Variants in MAPKAP1 observed in about 807,000 individuals in gnomAD.
The protein encoded by MAPKAP1 is target of rapamycin complex 2 subunit MAPKAP1.
In MAPKAP1, 20 loss-of-function variants were observed where a neutral mutation model predicts 65.7. That is an observed-to-expected ratio of 0.30 (90% CI 0.21 to 0.44). The LOEUF is 0.44. Among genes scored for constraint, MAPKAP1 ranks in the 20% least tolerant of loss-of-function variants. The pLI is 1.00. For synonymous variants in MAPKAP1, 222 were observed against 244.3 expected (o/e 0.91, Z 0.85); for missense variants, 423 against 648.0 (o/e 0.65, Z 3.77).
intron 8 of MAPKAP1, among the ~76,000 whole-genome samples, chr9:125,490,775 T>C (rs1854679298): frequency 6.6e-6 from 1 of 152,194 alleles, no homozygotes; most frequent in African/African-American, 2.4e-5. Context: ...AAAATCCAGG[T>C]GTCTTCTATA....
intron 1 of MAPKAP1, among the ~76,000 whole-genome samples, chr9:125,698,334 T>TATATATATAA (rs1564622652): frequency 4.5e-5 from 5 of 112,234 alleles, no homozygotes; most frequent in Non-Finnish European, 7.2e-5. Context: ...TATATATATA[T>TATATATATAA]ATAAAATATA....
intron 4 of MAPKAP1, among the ~76,000 whole-genome samples, chr9:125,594,983 C>G (rs1832083817): frequency 6.6e-6 from 1 of 152,214 alleles, no homozygotes; most frequent in Non-Finnish European, 1.5e-5. Context: ...GACATAGTTA[C>G]TTACACATAC....
chr9:125,637,850 G>A (rs1271724332), intron 4 of MAPKAP1, among the ~76,000 whole-genome samples: 1 of 152,200 alleles, frequency 6.6e-6, no homozygotes, highest in Admixed American at 6.5e-5. Context: ...TCAGTTCACT[G>A]CAGCCTATGC....
intron 4 of MAPKAP1, among the ~76,000 whole-genome samples, chr9:125,608,896 TCTC>T (rs1832516693): frequency 6.6e-6 from 1 of 152,144 alleles, no homozygotes; most frequent in Non-Finnish European, 1.5e-5. Context: ...AAGACATACT[TCTC>T]CTGTCTTTGG....
At position 125,506,351 on chromosome 9, in the gene MAPKAP1, T is replaced by G. The variant is rs769555939; in HGVS notation, c.1025A>C (p.Glu342Ala). The G allele has an allele frequency of 1.1e-5, 18 of 1,614,080 alleles. No individual in the cohort carries two copies. The highest frequency in any genetic ancestry group is 1.4e-5 in the Non-Finnish European group (17 of 1,180,024). The change falls in exon 8 of 12, where the codon GAG becomes GCG. Residue 342 changes from glutamate to alanine, a missense_variant. Glu to Ala is a moderately radical substitution (Grantham distance 107). This residue lies in a region of MAPKAP1 where 185 missense variants were observed against 268.1 expected (regional missense o/e 0.69). Coordinates refer to ENST00000265960, the MANE Select transcript of MAPKAP1 (RefSeq NM_001006617.3). ...NVAVDLDSTL[E>A]SQSAWEFCLV... ...GCAGAACTCCCATGCGCTCTGGCTC[T>G]CCAAAGTGCTGTCCAGGTCAACGGC...
chr9:125,559,333 G>C (rs1240537187), intron 6 of MAPKAP1: 4 of 219,208 alleles, frequency 1.8e-5, no homozygotes, highest in African/African-American at 6.8e-5. Context: ...TGCAAACCTA[G>C]AAGTTTTGCT....
intron 7 of MAPKAP1, among the ~76,000 whole-genome samples, chr9:125,519,784 C>T (rs990617761): frequency 6.6e-6 from 1 of 151,940 alleles, no homozygotes; most frequent in African/African-American, 2.4e-5. Flanking sequence ...TATGCCCGCC[C>T]CAGCCTCCTC....
rs542593727 is a variant in MAPKAP1, at chr9:125,632,313, A to G, written c.498+25338T>C. Among the ~76,000 whole-genome samples the G allele has an allele frequency of 6.6e-5, 10 of 152,246 alleles. No homozygotes were observed. In the East Asian group the frequency reaches 1.9e-3, roughly 29 times the overall value. On this transcript the variant is annotated intron_variant, in intron 4 of 11. Coordinates refer to ENST00000265960, the MANE Select transcript of MAPKAP1 (RefSeq NM_001006617.3). ...TATTATAATTGTCTGACTTCCCTACAAGATTACACATACCATTAAATTAGG... is the reference window on the plus strand; with the variant it reads ...TATTATAATTGTCTGACTTCCCTACGAGATTACACATACCATTAAATTAGG...
intron 4 of MAPKAP1, among the ~76,000 whole-genome samples, chr9:125,589,264 C>T (rs1391203633): frequency 3.3e-5 from 5 of 152,192 alleles, no homozygotes; most frequent in African/African-American, 1.2e-4. Context: ...TCATCTCCTT[C>T]AGAGCGCTTA....
chr9:125,590,710 C>A (rs1199180379), intron 4 of MAPKAP1, among the ~76,000 whole-genome samples: 1 of 152,008 alleles, frequency 6.6e-6, no homozygotes, highest in East Asian at 1.9e-4. Context: ...GTTAAGTAAA[C>A]TCTGCTAAAT....
intron 6 of MAPKAP1, among the ~76,000 whole-genome samples, chr9:125,544,690 G>A (rs1231166171): frequency 6.6e-6 from 1 of 152,238 alleles, no homozygotes; most frequent in Admixed American, 6.5e-5. Context: ...TTGCCACAAG[G>A]AGTTTGGTCG....
intron 8 of MAPKAP1, among the ~76,000 whole-genome samples, chr9:125,489,810 G>A (rs1854634041): frequency 6.6e-6 from 1 of 152,096 alleles, no homozygotes; most frequent in Non-Finnish European, 1.5e-5. Flanking sequence ...GCAGCCTTGG[G>A]GATTAATAAC....
intron 5 of MAPKAP1, among the ~76,000 whole-genome samples, chr9:125,563,510 C>T (rs1830954125): frequency 6.6e-6 from 1 of 152,154 alleles, no homozygotes; most frequent in Non-Finnish European, 1.5e-5. Context: ...GTCAATATTT[C>T]TGTATATCAC....
At chr9:125,519,044 G>A (rs1446415607) in intron 7 of MAPKAP1, among the ~76,000 whole-genome samples, 1 of 152,154 alleles carries the variant, frequency 6.6e-6, no homozygotes, top group Non-Finnish European at 1.5e-5. Context: ...AAATGAGGTG[G>A]AAAAATCTCA....
intron 9 of MAPKAP1, among the ~76,000 whole-genome samples, chr9:125,477,590 G>A (rs1033664375): frequency 2.0e-5 from 3 of 152,210 alleles, no homozygotes; most frequent in Non-Finnish European, 4.4e-5. Context: ...TCACTGTGGG[G>A]ATGTCTTGGC....
intron 4 of MAPKAP1, among the ~76,000 whole-genome samples, chr9:125,625,839 G>C (rs1833102981): frequency 6.6e-6 from 1 of 152,076 alleles, no homozygotes; most frequent in Non-Finnish European, 1.5e-5. Flanking sequence ...ACTGAGGTCA[G>C]ACTGAATTCA....
intron 11 of MAPKAP1, among the ~76,000 whole-genome samples, chr9:125,441,631 A>C (rs1488013055): frequency 6.6e-6 from 1 of 152,058 alleles, no homozygotes; most frequent in Admixed American, 6.6e-5. Flanking sequence ...TTTTATGTAA[A>C]ATTCCTGAAT....
chr9:125,572,529 T>G (rs1253430205), intron 5 of MAPKAP1, among the ~76,000 whole-genome samples: 1 of 152,262 alleles, frequency 6.6e-6, no homozygotes, highest in Non-Finnish European at 1.5e-5. Flanking sequence ...GTACACTTTC[T>G]ACTAAATTCT....
chr9:125,626,944 T>C (rs1396439937), intron 4 of MAPKAP1, among the ~76,000 whole-genome samples: 3 of 152,220 alleles, frequency 2.0e-5, no homozygotes, highest in Non-Finnish European at 4.4e-5. Context: ...TAAAAGAAGA[T>C]ACTATCATCA....
Sources: gnomAD v4.1 joint callset for allele counts (sites outside exome capture counted in the v4.1 genomes callset) on GRCh38, gnomAD v4.1.1 for gene constraint, gnomAD v4.1.1 regional missense constraint, MANE v1.5 for transcripts, NCBI Gene and HGNC (gene_info 2026-07-23, HGNC 2026-07-21) for gene names.